CPQ: variants seen among roughly 807,000 people sequenced by gnomAD.
CPQ encodes the protein Ser-Met dipeptidase.
Under a neutral mutation model 45.7 loss-of-function variants are expected in CPQ, and 37 were observed. The observed-to-expected ratio is 0.81, with a 90% CI of 0.62 to 1.07. The LOEUF is 1.07. Ranked by LOEUF, CPQ falls within the 50% of genes least tolerant of loss-of-function variation. CPQ has a pLI of 0.00. For synonymous variants in CPQ, 186 were observed against 205.8 expected (o/e 0.90, Z 0.82); for missense variants, 537 against 572.9 (o/e 0.94, Z 0.64).
In CPQ at chr8:97,123,479, A is replaced by C. The variant is rs553772348; in HGVS notation, c.1256-19541A>C. Among the ~76,000 whole-genome samples the C allele has an allele frequency of 3.0e-4, 45 of 151,796 alleles. 1 individual carries two copies. In the South Asian group the frequency reaches 4.4e-3, roughly 15 times the overall value. On this transcript the variant is annotated intron_variant, in intron 7 of 7. Coordinates refer to ENST00000220763, the MANE Select transcript of CPQ (RefSeq NM_016134.4). The stretch of plus-strand genomic sequence containing the variant: ...ATATCTAATGAAGACTGTGATAGTT[A>C]AAATGCATATTGTAAATGCTAGAGC...
rs143139990 is a variant in CPQ, at chr8:96,688,490, A to T, written c.-35+43088A>T. Among the ~76,000 whole-genome samples the T allele has an allele frequency of 3.2e-3, 481 of 152,256 alleles. 5 individuals carry two copies. The highest frequency in any genetic ancestry group is 2.5e-3 in the Non-Finnish European group (167 of 68,004). On this transcript the variant is annotated intron_variant, in intron 1 of 7. Transcript: ENST00000220763. ...TTATATCTTATCACACTTTGTTCAC[A>T]GTATGGACTATTTCTGCTTTGTGGG...
At chr8:96,675,432 C>T (rs1809064732) in intron 1 of CPQ, among the ~76,000 whole-genome samples, 1 of 152,012 alleles carries the variant, frequency 6.6e-6, no homozygotes, top group African/African-American at 2.4e-5. Context: ...TGGTACGTTA[C>T]ATGTACCAAT....
intron 7 of CPQ, among the ~76,000 whole-genome samples, chr8:97,085,627 A>G (rs1295468089): frequency 6.6e-6 from 1 of 152,174 alleles, no homozygotes; most frequent in Non-Finnish European, 1.5e-5. Context: ...AATATTTAAT[A>G]TTGGGTATGC....
intron 1 of CPQ, among the ~76,000 whole-genome samples, chr8:96,663,118 C>T (rs762411143): frequency 2.0e-5 from 3 of 152,208 alleles, no homozygotes; most frequent in Non-Finnish European, 4.4e-5. Context: ...GGACTGATGT[C>T]TCCTCACAAG....
At chr8:97,027,374 T>G (rs1809821295) in intron 5 of CPQ, among the ~76,000 whole-genome samples, 1 of 152,198 alleles carries the variant, frequency 6.6e-6, no homozygotes, top group South Asian at 2.1e-4. Context: ...CCTTCTACTC[T>G]GTGAGGTGAA....
rs1042404426 is a variant in CPQ, at chr8:96,910,508, T to C, written c.849+30503T>C. ...GGTGAAATAGTGTTATAATCTTTTT[T>C]TTCTCTCTCTCTTTGAGACGGAGTC... On this transcript the variant is annotated intron_variant, in intron 4 of 7. Coordinates refer to ENST00000220763, the MANE Select transcript of CPQ (RefSeq NM_016134.4). 4.3e-4 allele frequency among the ~76,000 whole-genome samples: 66 copies of C among 152,310 alleles called. 1 individual carries two copies. Among genetic ancestry groups the C allele is most frequent in the South Asian group, 2.7e-3 (13 of 4,822 alleles).
chr8:96,881,323 G>C (rs1001176575), intron 4 of CPQ, among the ~76,000 whole-genome samples: 3 of 152,130 alleles, frequency 2.0e-5, no homozygotes, highest in Non-Finnish European at 2.9e-5. Flanking sequence ...AGAAGGCAAA[G>C]GGGGAGTGAG....
chr8:96,796,363 GA>G (rs1810928785), intron 2 of CPQ, among the ~76,000 whole-genome samples: 1 of 151,882 alleles, frequency 6.6e-6, no homozygotes, highest in Admixed American at 6.6e-5. Flanking sequence ...TCTAATTGAT[GA>G]ATAATAATTC....
intron 7 of CPQ, among the ~76,000 whole-genome samples, chr8:97,096,811 G>T (rs1351185505): frequency 6.6e-6 from 1 of 152,200 alleles, no homozygotes; most frequent in Non-Finnish European, 1.5e-5. Flanking sequence ...CTTGGTTGCT[G>T]CCATGCAGGC....
At chr8:97,029,532 TG>T in intron 6 of CPQ, 38 bp downstream of exon 6, 1 of 1,530,270 alleles carries the variant, frequency 6.5e-7, no homozygotes, top group Non-Finnish European at 8.9e-7. Context: ...CATTTGTACA[TG>T]TAATATACAA....
intron 2 of CPQ, among the ~76,000 whole-genome samples, chr8:96,829,718 T>G (rs1256882719): frequency 6.6e-6 from 1 of 152,162 alleles, no homozygotes; most frequent in Non-Finnish European, 1.5e-5. Flanking sequence ...CTTCCTTTAG[T>G]CAGAATTAAT....
chr8:96,696,192 C>T (rs1311731921), intron 1 of CPQ, among the ~76,000 whole-genome samples: 2 of 149,698 alleles, frequency 1.3e-5, no homozygotes, highest in Non-Finnish European at 3.0e-5. Context: ...ATCGCAAGAA[C>T]AAAAAACCAA....
At chr8:97,065,905 C>T in intron 6 of CPQ, 104 bp from the exon 7 acceptor site, 1 of 1,109,288 alleles carries the variant, frequency 9.0e-7, no homozygotes, top group Non-Finnish European at 1.3e-6. Flanking sequence ...TGTTTTGGCA[C>T]AGCCGTAAGG....
At chr8:96,906,635 C>T (rs563829791) in intron 4 of CPQ, among the ~76,000 whole-genome samples, 5 of 152,284 alleles carry the variant, frequency 3.3e-5, no homozygotes, top group South Asian at 4.1e-4. Context: ...AAGGAGCTAG[C>T]TGACTCAGTG....
At chr8:96,799,594 C>T (rs1014623558) in intron 2 of CPQ, among the ~76,000 whole-genome samples, 1 of 152,088 alleles carries the variant, frequency 6.6e-6, no homozygotes, top group Non-Finnish European at 1.5e-5. Flanking sequence ...TACAAAGTGT[C>T]AGAGGTTGCA....
chr8:97,045,455 C>A (rs971510879), intron 6 of CPQ, among the ~76,000 whole-genome samples: 1 of 152,204 alleles, frequency 6.6e-6, no homozygotes, highest in Admixed American at 6.5e-5. Context: ...GAGGCAATGC[C>A]TCGCCCTCCT....
chr8:96,801,435 A>T (rs1811006885), intron 2 of CPQ, among the ~76,000 whole-genome samples: 1 of 152,184 alleles, frequency 6.6e-6, no homozygotes, highest in South Asian at 2.1e-4. Flanking sequence ...ATTTTATGAC[A>T]TTCAATTAGA....
At chr8:97,000,464 C>T (rs1278159218) in intron 5 of CPQ, among the ~76,000 whole-genome samples, 1 of 152,134 alleles carries the variant, frequency 6.6e-6, no homozygotes, top group Non-Finnish European at 1.5e-5. Context: ...ATATGGCTAG[C>T]CAGTTATTCC....
chr8:96,727,264 A>G (rs2130767473), intron 1 of CPQ, among the ~76,000 whole-genome samples: 2 of 152,226 alleles, frequency 1.3e-5, no homozygotes, highest in South Asian at 4.1e-4. Flanking sequence ...TTTTCTTATG[A>G]AAGAGCAAGC....
Sources: gnomAD v4.1 joint callset for allele counts (sites outside exome capture counted in the v4.1 genomes callset) on GRCh38, gnomAD v4.1.1 for gene constraint, MANE v1.5 for transcripts, NCBI Gene and HGNC (gene_info 2026-07-23, HGNC 2026-07-21) for gene names.